The following TBXAS1 variants were observed in gnomAD, a reference collection of about 807,000 sequenced individuals.
TBXAS1 encodes the protein thromboxane A synthase 1.
In TBXAS1, 48 loss-of-function variants were observed where a neutral mutation model predicts 60.7. The observed-to-expected ratio is 0.79, with a 90% CI of 0.63 to 1.01. The LOEUF (loss-of-function observed/expected upper bound fraction) is 1.01. Among genes scored for constraint, TBXAS1 ranks in the 50% least tolerant of loss-of-function variants. The probability of loss-of-function intolerance (pLI) is 0.00; values close to 1 mark genes in which losing one functional copy is unlikely to be tolerated. For synonymous variants in TBXAS1, 287 were observed against 269.7 expected (o/e 1.06, Z -0.63); for missense variants, 685 against 686.3 (o/e 1.00, Z 0.02).
intron 9 of TBXAS1, among the ~76,000 whole-genome samples, chr7:139,986,811 A>ACG (rs1569522841): frequency 1.6e-5 from 1 of 63,870 alleles, no homozygotes; most frequent in Non-Finnish European, 3.0e-5. Context: ...ATATATATAT[A>ACG]TATATACACC....
At chr7:139,894,963 C>T (rs900217632) in intron 3 of TBXAS1, among the ~76,000 whole-genome samples, 3 of 152,122 alleles carry the variant, frequency 2.0e-5, no homozygotes, top group African/African-American at 2.4e-5. Flanking sequence ...CAGACATGGG[C>T]CAAGTTGCTC....
At chr7:139,969,724 G>T (rs1342768327) in intron 9 of TBXAS1, among the ~76,000 whole-genome samples, 2 of 152,138 alleles carry the variant, frequency 1.3e-5, no homozygotes, top group Non-Finnish European at 2.9e-5. Context: ...AGGTCTGCTG[G>T]GGTCGGGCTA....
intron 9 of TBXAS1, among the ~76,000 whole-genome samples, chr7:140,000,561 A>T (rs953104009): frequency 6.6e-6 from 1 of 152,208 alleles, no homozygotes; most frequent in African/African-American, 2.4e-5. Context: ...CTAAGAGACC[A>T]AGAATCTTAG....
chr7:139,955,290 C>T (rs1253107806), intron 6 of TBXAS1, among the ~76,000 whole-genome samples, 169 bp from the exon 7 acceptor site: 1 of 152,140 alleles, frequency 6.6e-6, no homozygotes. Flanking sequence ...CATCCAGGAG[C>T]CCATCTCCCT....
intron 12 of TBXAS1, among the ~76,000 whole-genome samples, chr7:140,018,457 C>T (rs982778790): frequency 2.0e-5 from 3 of 152,168 alleles, no homozygotes; most frequent in African/African-American, 7.2e-5. Context: ...ACAACATATG[C>T]CTTCATTCCT....
chr7:139,855,052 T>G (rs1293678447), intron 1 of TBXAS1, among the ~76,000 whole-genome samples: 1 of 152,088 alleles, frequency 6.6e-6, no homozygotes, highest in Non-Finnish European at 1.5e-5. Context: ...GATGTGGTAG[T>G]GTTGAGAGGT....
intron 4 of TBXAS1, among the ~76,000 whole-genome samples, chr7:139,930,483 G>A (rs1439579759): frequency 6.6e-6 from 1 of 152,162 alleles, no homozygotes. Context: ...AAACCAGAGA[G>A]GTCAGCTCTC....
At chr7:139,938,578 A>C (rs1011262981) in intron 5 of TBXAS1, among the ~76,000 whole-genome samples, 1 of 152,202 alleles carries the variant, frequency 6.6e-6, no homozygotes, top group Non-Finnish European at 1.5e-5. Flanking sequence ...CCACTGCTCT[A>C]AACCATGTAG....
chr7:139,913,043 A>G (rs1316188846), intron 4 of TBXAS1: 1 of 689,992 alleles, frequency 1.4e-6, no homozygotes, highest in South Asian at 1.5e-5. Flanking sequence ...CACTCACCCA[A>G]AATTTGCTCA....
intron 1 of TBXAS1, among the ~76,000 whole-genome samples, chr7:139,779,834 T>C (rs758394656): frequency 7.9e-5 from 12 of 152,220 alleles, no homozygotes; most frequent in Non-Finnish European, 1.5e-4. Flanking sequence ...AAGTCACTGC[T>C]TCTCTAGCCA....
intron 9 of TBXAS1, among the ~76,000 whole-genome samples, chr7:140,003,885 C>T (rs948044851): frequency 6.6e-6 from 1 of 152,162 alleles, no homozygotes; most frequent in Admixed American, 6.5e-5. Flanking sequence ...TGGAAGGGAC[C>T]AAGATGCCAC....
chr7:139,893,919 CA>C (rs1803868578), intron 3 of TBXAS1, among the ~76,000 whole-genome samples: 1 of 152,154 alleles, frequency 6.6e-6, no homozygotes, highest in African/African-American at 2.4e-5. Context: ...CCTTGCTGCC[CA>C]GTTCTCTCCT....
chr7:139,997,099 GAACA>G (rs1407524440), intron 9 of TBXAS1, among the ~76,000 whole-genome samples: 1 of 152,154 alleles, frequency 6.6e-6, no homozygotes, highest in East Asian at 1.9e-4. Flanking sequence ...ATCTGTGAAT[GAACA>G]AATAAATGGT....
At position 139,896,240 on chromosome 7, in the gene TBXAS1, G is replaced by C. The variant is rs902918081; in HGVS notation, c.237-14985G>C. Reference sequence around the variant, plus strand: ...AATAAACAGAGGGTGATGCAGGTCAGTAGAGGAAAGGACCAGGTGCCACAG... The same window carrying C: ...AATAAACAGAGGGTGATGCAGGTCACTAGAGGAAAGGACCAGGTGCCACAG... On this transcript the variant is annotated intron_variant, in intron 3 of 12. Coordinates refer to ENST00000448866, the MANE Select transcript of TBXAS1 (RefSeq NM_001061.7). The surrounding 1 kb of genome is among the most constrained non-coding windows in gnomAD (Gnocchi z 4.0). Among the ~76,000 whole-genome samples the C allele has an allele frequency of 4.6e-5, 7 of 152,150 alleles. No individual in the cohort carries two copies. Among genetic ancestry groups the C allele is most frequent in the African/African-American group, 1.7e-4 (7 of 41,450 alleles).
At chr7:139,932,888 C>T (rs556985841) in intron 4 of TBXAS1, among the ~76,000 whole-genome samples, 1 of 152,126 alleles carries the variant, frequency 6.6e-6, no homozygotes, top group Non-Finnish European at 1.5e-5. Flanking sequence ...GAGACACCAT[C>T]TCTACAAAAA....
chr7:139,825,440 G>A (rs1798412699), upstream of TBXAS1, among the ~76,000 whole-genome samples: 1 of 152,162 alleles, frequency 6.6e-6, no homozygotes, highest in Non-Finnish European at 1.5e-5. Flanking sequence ...TGGCATTTAT[G>A]GTTTCTACAA....
chr7:139,818,424 T>C (rs909313364), intron 4 of TBXAS1, among the ~76,000 whole-genome samples: 2 of 152,204 alleles, frequency 1.3e-5, no homozygotes, highest in African/African-American at 4.8e-5. Flanking sequence ...TTGGCCAGGC[T>C]GTTCTCTAAC....
chr7:139,967,109 G>A (rs1340018029), intron 9 of TBXAS1, among the ~76,000 whole-genome samples: 1 of 152,226 alleles, frequency 6.6e-6, no homozygotes, highest in Non-Finnish European at 1.5e-5. Context: ...GCTTGATGGG[G>A]AATCTTGAGC....
intron 2 of TBXAS1, among the ~76,000 whole-genome samples, chr7:139,873,110 G>T (rs570922570): frequency 6.6e-6 from 1 of 152,294 alleles, no homozygotes; most frequent in South Asian, 2.1e-4. Context: ...GAAGAAGGAG[G>T]TCCTTCAGGG....
Sources: gnomAD v4.1 joint callset for allele counts (sites outside exome capture counted in the v4.1 genomes callset) on GRCh38, gnomAD v4.1.1 for gene constraint, Gnocchi (gnomAD v3.1) non-coding constraint, MANE v1.5 for transcripts, NCBI Gene and HGNC (gene_info 2026-07-23, HGNC 2026-07-21) for gene names.